The following CDH18 variants were observed in gnomAD, a reference collection of about 807,000 sequenced individuals.
CDH18 encodes cadherin-18.
A neutral mutation model predicts 67.9 loss-of-function variants in CDH18; 31 were observed. The observed-to-expected ratio is 0.46, with a 90% confidence interval of 0.34 to 0.62. The LOEUF is 0.62. Ranked by LOEUF, CDH18 falls within the 20% of genes least tolerant of loss-of-function variation. The probability of loss-of-function intolerance (pLI) is 0.01; values close to 1 mark genes in which losing one functional copy is unlikely to be tolerated. For missense variants in CDH18, 890 were observed against 975.5 expected (o/e 0.91, Z 1.17); for synonymous variants, 362 against 347.2 (o/e 1.04, Z -0.48).
At chr5:19,793,079 C>T (rs985453534) in intron 3 of CDH18, among the ~76,000 whole-genome samples, 3 of 152,100 alleles carry the variant, frequency 2.0e-5, no homozygotes, top group Admixed American at 2.0e-4. Flanking sequence ...AGAGCTAATA[C>T]TCCTCCTCCT....
intron 1 of CDH18, among the ~76,000 whole-genome samples, chr5:20,422,454 ATACCTACTTATG>A (rs1747937572): frequency 6.6e-6 from 1 of 150,856 alleles, no homozygotes; most frequent in Non-Finnish European, 1.5e-5. Flanking sequence ...GTGTAGTTCT[ATACCTACTTATG>A]TGACACATTA....
chr5:20,047,562 T>C (rs1284476073), intron 2 of CDH18, among the ~76,000 whole-genome samples: 1 of 151,828 alleles, frequency 6.6e-6, no homozygotes, highest in Admixed American at 6.6e-5. Context: ...CATAATTCTA[T>C]TTAAAATAGA....
chr5:20,478,529 G>A (rs528178599), intron 1 of CDH18, among the ~76,000 whole-genome samples: 7 of 152,138 alleles, frequency 4.6e-5, no homozygotes, highest in South Asian at 2.1e-4. Context: ...CATGAGGAAA[G>A]GAGAGAGAAG....
At chr5:19,561,905 C>A (rs1739527032) in intron 8 of CDH18, among the ~76,000 whole-genome samples, 1 of 152,092 alleles carries the variant, frequency 6.6e-6, no homozygotes, top group African/African-American at 2.4e-5. Context: ...AACCATTAAT[C>A]AATCTCAGTG....
At chr5:19,902,126 T>A (rs983806015) in intron 2 of CDH18, among the ~76,000 whole-genome samples, 2 of 152,168 alleles carry the variant, frequency 1.3e-5, no homozygotes, top group Non-Finnish European at 1.5e-5. Flanking sequence ...ACTCAATGAA[T>A]AAATGTAGTA....
intron 3 of CDH18, among the ~76,000 whole-genome samples, chr5:19,791,499 T>C (rs1180492485): frequency 6.6e-6 from 1 of 152,200 alleles, no homozygotes; most frequent in East Asian, 1.9e-4. Context: ...TTGTATTATG[T>C]AAGGATATGT....
chr5:19,671,116 A>G (rs1043267289), intron 5 of CDH18, among the ~76,000 whole-genome samples: 5 of 152,116 alleles, frequency 3.3e-5, no homozygotes, highest in Non-Finnish European at 7.4e-5. Context: ...AGAAATAAAA[A>G]TTTGTTTAAG....
chr5:19,549,840 T>G (rs1580151933), intron 8 of CDH18, among the ~76,000 whole-genome samples: 1 of 151,778 alleles, frequency 6.6e-6, no homozygotes, highest in Admixed American at 6.6e-5. Flanking sequence ...GAGGGACAGG[T>G]AACTGATTAT....
chr5:20,348,215 A>G (rs1740869447), intron 1 of CDH18, among the ~76,000 whole-genome samples: 1 of 152,200 alleles, frequency 6.6e-6, no homozygotes, highest in African/African-American at 2.4e-5. Context: ...ACCTGTTTGG[A>G]TATAAAATAA....
chr5:20,031,366 C>T (rs1240843479), intron 2 of CDH18, among the ~76,000 whole-genome samples: 7 of 152,034 alleles, frequency 4.6e-5, no homozygotes, highest in Non-Finnish European at 1.0e-4. Flanking sequence ...GCCAGTGTCA[C>T]CACAGAGTCC....
chr5:20,201,089 T>C (rs1375760471), intron 2 of CDH18, among the ~76,000 whole-genome samples: 3 of 152,064 alleles, frequency 2.0e-5, no homozygotes, highest in African/African-American at 7.2e-5. Flanking sequence ...CAAGTATCAG[T>C]AGAGCAATAC....
chr5:20,011,192 C>G lies in CDH18; in HGVS notation c.-517-19178G>C, dbSNP rs544988142. ...ATTGCTTCCCTTGTTAACTGTATTC[C>G]TAGGTATATTATTCTATTTGTGGCA... On this transcript the variant is annotated intron_variant, in intron 2 of 14. Transcript: ENST00000507958. Among the ~76,000 whole-genome samples the G allele has an allele frequency of 6.8e-4, 104 of 152,128 alleles. 1 individual carries two copies. The highest frequency in any genetic ancestry group is 1.4e-3 in the Non-Finnish European group (93 of 67,984).
At chr5:19,515,132 G>A (rs1745766949) in intron 10 of CDH18, among the ~76,000 whole-genome samples, 1 of 152,126 alleles carries the variant, frequency 6.6e-6, no homozygotes, top group African/African-American at 2.4e-5. Flanking sequence ...GTTTTGTCAA[G>A]TTTGTCAAAA....
chr5:20,101,904 T>C (rs1359515350), intron 2 of CDH18, among the ~76,000 whole-genome samples: 2 of 152,108 alleles, frequency 1.3e-5, no homozygotes, highest in African/African-American at 4.8e-5. Flanking sequence ...AAACCCCGTC[T>C]CTACTAAAAA....
At chr5:19,536,149 G>GTC (rs1164214430) in intron 9 of CDH18, among the ~76,000 whole-genome samples, 8 of 152,072 alleles carry the variant, frequency 5.3e-5, no homozygotes, top group Non-Finnish European at 1.2e-4. Context: ...AGATAAGTTA[G>GTC]ACCAGATTTC....
At chr5:19,548,081 T>C (rs1292279907) in intron 8 of CDH18, among the ~76,000 whole-genome samples, 1 of 152,166 alleles carries the variant, frequency 6.6e-6, no homozygotes, top group Non-Finnish European at 1.5e-5. Flanking sequence ...CTCAGTAAAT[T>C]ACTTTTCAAA....
intron 2 of CDH18, among the ~76,000 whole-genome samples, chr5:20,180,670 C>T (rs1418338273): frequency 1.3e-5 from 2 of 152,132 alleles, no homozygotes; most frequent in African/African-American, 4.8e-5. Context: ...CCCCTGCCCT[C>T]ACTAAACTTA....
intron 1 of CDH18, among the ~76,000 whole-genome samples, chr5:20,367,936 C>CA (rs1205538627): frequency 6.6e-6 from 1 of 152,136 alleles, no homozygotes; most frequent in Non-Finnish European, 1.5e-5. Context: ...TTTTGAAATG[C>CA]ATTGATGTCT....
chr5:20,141,196 T>C (rs1444966078), intron 2 of CDH18, among the ~76,000 whole-genome samples: 3 of 152,178 alleles, frequency 2.0e-5, no homozygotes, highest in Non-Finnish European at 4.4e-5. Context: ...CATCTACAAG[T>C]TGTTTCTTGA....
Sources: gnomAD v4.1 joint callset for allele counts (sites outside exome capture counted in the v4.1 genomes callset) on GRCh38, gnomAD v4.1.1 for gene constraint, MANE v1.5 for transcripts, NCBI Gene and HGNC (gene_info 2026-07-23, HGNC 2026-07-21) for gene names.